The following AGAP2 variants were observed in gnomAD, a reference collection of about 807,000 sequenced individuals.
AGAP2 encodes arf-GAP with GTPase, ANK repeat and PH domain-containing protein 2.
A neutral mutation model predicts 110.9 loss-of-function variants in AGAP2; 32 were observed. The observed-to-expected ratio is 0.29, with a 90% CI of 0.22 to 0.39. AGAP2 has a LOEUF of 0.39. AGAP2 is among the 10% of genes least tolerant of loss of function. AGAP2 has a pLI of 1.00. For missense variants in AGAP2, 1,285 were observed against 1,638.5 expected (o/e 0.78, Z 3.72); for synonymous variants, 702 against 713.0 (o/e 0.98, Z 0.25).
upstream of AGAP2, among the ~76,000 whole-genome samples, chr12:57,740,301 C>T (rs1955062199): frequency 1.3e-5 from 2 of 152,108 alleles, no homozygotes; most frequent in South Asian, 4.1e-4. Flanking sequence ...TGTCCTGGGG[C>T]TCAGCAGTTT....
At chr12:57,733,123 G>A (rs1954918340) in intron 5 of AGAP2, 144 bp from the exon 6 acceptor site, 2 of 1,093,184 alleles carry the variant, frequency 1.8e-6, no homozygotes, top group Non-Finnish European at 2.6e-6. Context: ...TGACCAGGTG[G>A]AATGGGAGTA....
chr12:57,732,771 G>A (rs1400263217), intron 6 of AGAP2, 74 bp downstream of exon 6: 8 of 1,592,856 alleles, frequency 5.0e-6, no homozygotes, highest in South Asian at 1.1e-5. Context: ...GAGAGGCCTG[G>A]ATGCCTGACC....
intron 15 of AGAP2, 45 bp downstream of exon 15, chr12:57,727,892 G>T: frequency 6.2e-7 from 1 of 1,610,414 alleles, no homozygotes. Flanking sequence ...TCAGCACCAG[G>T]GTCAGTTCCT....
intron 2 of AGAP2, 50 bp from the exon 3 acceptor site, chr12:57,734,729 G>C: frequency 1.9e-6 from 3 of 1,555,188 alleles, no homozygotes; most frequent in Non-Finnish European, 2.7e-6. Context: ...GAGAAGGCAG[G>C]ATGCATGGGT....
In AGAP2 at chr12:57,726,615, G is replaced by A; in HGVS notation, c.3516C>T (p.Ser1172=). 3.3e-6 allele frequency: 4 copies of A among 1,200,050 alleles called. No homozygotes were observed. The highest frequency in any genetic ancestry group is 8.1e-5 in the South Asian group (2 of 24,618). 74.3% of individuals were successfully genotyped at this position (1,200,050 alleles called of 1,614,324 possible). Residue 1172 remains serine, a synonymous_variant, in exon 19 of 19, where the codon AGC becomes AGT. Transcript: ENST00000547588. The surrounding 1 kb of genome is among the most constrained non-coding windows in gnomAD (Gnocchi z 5.7). ...ATTPSITATP[S]PRRRSSAASV... is the part of the protein sequence containing the mutation. ...TAGCGGCGCTGCTCCGGCGGCGGGG[G>A]CTGGGCGTGGCGGTGATGCTGGGCG... is the stretch of plus-strand genomic sequence containing the variant.
intron 1 of AGAP2, among the ~76,000 whole-genome samples, chr12:57,736,488 C>T (rs1210836405): frequency 6.6e-6 from 1 of 152,024 alleles, no homozygotes; most frequent in Non-Finnish European, 1.5e-5. Flanking sequence ...AGTGAGGCTT[C>T]CTATCCGCCC....
At position 57,726,234 on chromosome 12, in the gene AGAP2, T is replaced by C. The variant is rs866715787; in HGVS notation, c.*318A>G. On this transcript the variant is annotated 3_prime_UTR_variant, in exon 19 of 19. Coordinates refer to ENST00000547588, the MANE Select transcript of AGAP2 (RefSeq NM_001122772.3). The surrounding 1 kb of genome is among the most constrained non-coding windows in gnomAD (Gnocchi z 5.7). ...CGCCCCTAGGGGGCACAAGCGGGCATGTCCAAGCGCCTAGGAGCCCGTACC... is the reference window on the plus strand; with the variant it reads ...CGCCCCTAGGGGGCACAAGCGGGCACGTCCAAGCGCCTAGGAGCCCGTACC... The C allele has an allele frequency of 1.6e-5, 3 of 183,322 alleles. No individual in the cohort carries two copies. The highest frequency in any genetic ancestry group is 2.0e-3 in the Middle Eastern group (1 of 504). 11.4% of individuals were successfully genotyped at this position (183,322 alleles called of 1,614,324 possible).
rs772467140 is a variant in AGAP2 at position 57,734,348 on chromosome 12, G to T, written c.1372C>A (p.Arg458=). The T allele has an allele frequency of 6.2e-7, 1 of 1,614,134 alleles. No homozygotes were observed. The highest frequency in any genetic ancestry group is 1.3e-5 in the African/African-American group (1 of 75,032). ...GCATCAGGTGCCCCAGCTTCCTCTC[G>T]GATTAGCACCAGATGTGTCTGTCCA... The part of the protein sequence containing the change: ...VDGQTHLVLI[R]EEAGAPDAKF... The change falls in exon 4 of 19, where the codon CGA becomes AGA. Residue 458 remains arginine (R), a synonymous_variant. Coordinates refer to ENST00000547588, the MANE Select transcript of AGAP2 (RefSeq NM_001122772.3).
rs1181738075 is a variant in AGAP2 at position 57,737,163 on chromosome 12, A to G, written c.1084T>C (p.Ser362Pro). The change falls in exon 1 of 19, where the codon TCC becomes CCC. Residue 362 changes from serine to proline, a missense_variant. Physicochemically the swap from Ser to Pro is moderately conservative, Grantham distance 74. Transcript: ENST00000547588. The surrounding 1 kb of genome is among the most constrained non-coding windows in gnomAD (Gnocchi z 5.9). ...CTGGGGGGTCCGGGAAGGGGCCCGG[A>G]GCCAGGAGGCCCTCCTGTGCTCTTG... ...FTKSTGGPPG[S>P]GPLPGPPSLS... The G allele has an allele frequency of 1.9e-6, 3 of 1,577,454 alleles. No individual in the cohort carries two copies. Among genetic ancestry groups the G allele is most frequent in the Non-Finnish European group, 2.6e-6 (3 of 1,162,088 alleles).
At chr12:57,728,424 CAG>C (rs1954817181) in intron 13 of AGAP2, 47 bp from the exon 14 acceptor site, 1 of 1,592,866 alleles carries the variant, frequency 6.3e-7, no homozygotes, top group African/African-American at 1.3e-5. Flanking sequence ...GAGAGCAGAA[CAG>C]AGAAAGAGAG....
downstream of AGAP2, chr12:57,724,486 G>A (rs532416578): frequency 6.6e-6 from 1 of 152,414 alleles, no homozygotes; most frequent in Admixed American, 6.5e-5. Context: ...CCGGCTTCAG[G>A]CCGCTGTGGC....
At chr12:57,733,928 T>C (rs1000717778) in intron 5 of AGAP2, 98 bp downstream of exon 5, 47 of 1,424,858 alleles carry the variant, frequency 3.3e-5, no homozygotes, top group Non-Finnish European at 4.0e-5. Context: ...CAAGTGGCCA[T>C]TTCCACACCT....
intron 8 of AGAP2, 42 bp from the exon 9 acceptor site, chr12:57,731,684 A>G: frequency 6.2e-7 from 1 of 1,612,688 alleles, no homozygotes; most frequent in Non-Finnish European, 8.5e-7. Flanking sequence ...GGATAGAGGG[A>G]TACACTGATG....
chr12:57,738,460 G>A lies in AGAP2; in HGVS notation c.-214C>T. ...CCCCTCCCCATGCTCCCCGCCCTGC[G>A]CCCCCACCCTCTTGGAGCCCCGGGA... On this transcript the variant is annotated 5_prime_UTR_variant, in exon 1 of 19. Coordinates refer to ENST00000547588, the MANE Select transcript of AGAP2 (RefSeq NM_001122772.3). The surrounding 1 kb of genome is among the most constrained non-coding windows in gnomAD (Gnocchi z 6.7). 3.1e-6 allele frequency: 1 copy of A among 321,180 alleles called. No homozygotes were observed. Among genetic ancestry groups the A allele is most frequent in the Non-Finnish European group, 4.5e-6 (1 of 222,624 alleles). 19.9% of individuals were successfully genotyped at this position (321,180 alleles called of 1,614,324 possible).
At chr12:57,724,457 G>T (rs980138385), downstream of AGAP2, 2 of 152,296 alleles carry the variant, frequency 1.3e-5, no homozygotes, top group African/African-American at 4.8e-5. Context: ...TAGTGGCACT[G>T]CAGCTCATGG....
chr12:57,738,580 G>A lies in AGAP2; in HGVS notation c.-334C>T, dbSNP rs1022974982. On this transcript the variant is annotated 5_prime_UTR_variant, in exon 1 of 19. Transcript: ENST00000547588. This position sits in a 1 kb window ranked among gnomAD's most constrained non-coding sequence, Gnocchi z 6.7. ...GGGGGAGGGCGGGGAGGACAGTAGT[G>A]GGGGCAAATGGGGGAGAGAGAGGAA... Among the ~76,000 whole-genome samples the A allele has an allele frequency of 1.3e-5, 2 of 151,948 alleles. No homozygotes were observed. The highest frequency in any genetic ancestry group is 4.8e-5 in the African/African-American group (2 of 41,378).
In AGAP2 at chr12:57,737,975, G is replaced by T; in HGVS notation, c.272C>A (p.Pro91Gln). The change falls in exon 1 of 19, where the codon CCA becomes CAA. Residue 91 changes from proline (P) to glutamine (Q), a missense_variant. Transcript: ENST00000547588. This position sits in a 1 kb window ranked among gnomAD's most constrained non-coding sequence, Gnocchi z 5.9. The part of the protein sequence containing the change: ...SSAGTGGAEP[P>Q]ALSPAPASPA... ...ACTGGCCGGAGCCGGGGACAGGGCTGGGGGCTCCGCGCCCCCGGTGCCCGC... is the reference window on the plus strand; with the variant it reads ...ACTGGCCGGAGCCGGGGACAGGGCTTGGGGCTCCGCGCCCCCGGTGCCCGC... 1 of 1,436,776 alleles carries T rather than the reference G, an allele frequency of 7.0e-7. No homozygotes were observed. Among genetic ancestry groups the T allele is most frequent in the South Asian group, 1.4e-5 (1 of 69,730 alleles). The allele number at this position is 1,436,776 out of a possible 1,614,324, so 89.0% of individuals were successfully genotyped here.
At chr12:57,740,283 C>T (rs888239817), upstream of AGAP2, among the ~76,000 whole-genome samples, 8 of 152,112 alleles carry the variant, frequency 5.3e-5, no homozygotes, top group Non-Finnish European at 1.2e-4. Flanking sequence ...CCAATCCCTC[C>T]AATGTTCTGT....
At position 57,731,614 on chromosome 12, in the gene AGAP2, C is replaced by T. The variant is rs759763410; in HGVS notation, c.1982G>A (p.Arg661Gln). The T allele has an allele frequency of 1.1e-5, 17 of 1,613,926 alleles. No individual in the cohort carries two copies. Among genetic ancestry groups the T allele is most frequent in the South Asian group, 4.4e-5 (4 of 91,074 alleles). Residue 661 changes from arginine (R) to glutamine (Q), a missense_variant, in exon 9 of 19, where the codon CGA (arginine) becomes CAA (glutamine). Arg to Gln is a conservative substitution (Grantham distance 43). Transcript: ENST00000547588. ...TGTCTCTCCCCGACTATCCAAGCTT[C>T]GTTTCTCGGAGTCACTACCCCGACG... ...ANRRGSDSEK[R>Q]SLDSRGETTG...
Sources: gnomAD v4.1 joint callset for allele counts (sites outside exome capture counted in the v4.1 genomes callset) on GRCh38, gnomAD v4.1.1 for gene constraint, Gnocchi (gnomAD v3.1) non-coding constraint, MANE v1.5 for transcripts, NCBI Gene and HGNC (gene_info 2026-07-23, HGNC 2026-07-21) for gene names.